The following SLC25A26 variants were observed in gnomAD, a reference collection of about 807,000 sequenced individuals.
SLC25A26 encodes the protein solute carrier family 25 member 26.
SLC25A26 carries 36 observed loss-of-function variants against 37.8 expected under a neutral mutation model. The ratio of observed to expected loss-of-function variants is 0.95; its 90% CI spans 0.73 to 1.26. SLC25A26 has a LOEUF of 1.26. SLC25A26 is among the 50% of genes most tolerant of loss of function. SLC25A26 has a pLI of 0.00. For synonymous variants in SLC25A26, 129 were observed against 122.5 expected (o/e 1.05, Z -0.35); for missense variants, 390 against 331.1 (o/e 1.18, Z -1.38).
rs2107283574 is a variant in SLC25A26 at position 66,262,140 on chromosome 3, C to T, written c.390C>T (p.Asn130=). The T allele has an allele frequency of 6.4e-7, 1 of 1,552,118 alleles. No individual in the cohort carries two copies. The highest frequency in any genetic ancestry group is 1.4e-5 in the African/African-American group (1 of 73,520). Residue 130 remains asparagine, a synonymous_variant, in exon 4 of 10, where the codon AAC becomes AAT. Transcript: ENST00000354883. ...ASTRTFQIFS[N]ILYEEGIQGL... ...CAAGAACATTTCAGATTTTCTCTAACATCTTATATGAAGAGGTGAGATGGG... is the reference window on the plus strand; with the variant it reads ...CAAGAACATTTCAGATTTTCTCTAATATCTTATATGAAGAGGTGAGATGGG...
At chr3:66,345,368 C>G (rs1470894463) in intron 5 of SLC25A26, among the ~76,000 whole-genome samples, 1 of 152,036 alleles carries the variant, frequency 6.6e-6, no homozygotes, top group Non-Finnish European at 1.5e-5. Flanking sequence ...TGTCTGCTTC[C>G]TCTTTCTTCC....
chr3:66,141,306 T>C (rs1367239769), intron 1 of SLC25A26, among the ~76,000 whole-genome samples: 2 of 151,726 alleles, frequency 1.3e-5, no homozygotes, highest in Admixed American at 1.3e-4. Flanking sequence ...GCTGCATATG[T>C]GGTCTGGCCT....
Position 66,191,465 on chromosome 3 carries a change from A to G in SLC25A26, c.-353-29277A>G, listed in dbSNP as rs1403968022. ...TCAGTTTTAGACATTCCTCTCAAAA[A>G]TATCTCCTTATTGTTTCCTGCAGTA... On this transcript the variant is annotated intron_variant, in intron 1 of 10. Transcript: ENST00000676754. Among the ~76,000 whole-genome samples, 3 of 152,216 alleles carry G rather than the reference A, an allele frequency of 2.0e-5. No individual in the cohort carries two copies. In the East Asian group the frequency reaches 5.8e-4, roughly 29 times the overall value.
intron 1 of SLC25A26, among the ~76,000 whole-genome samples, chr3:66,161,461 GAGAAATAATGGGAAACCCACT>G (rs1357003847): frequency 2.0e-4 from 31 of 152,162 alleles, no homozygotes; most frequent in Admixed American, 7.2e-4. Context: ...ACAGAAGCAA[GAGAAATAATGGGAAACCCACT>G]AGAAATGTTT....
intron 5 of SLC25A26, among the ~76,000 whole-genome samples, chr3:66,343,662 T>A (rs142163986): frequency 1.6e-3 from 251 of 152,358 alleles, no homozygotes; most frequent in African/African-American, 5.7e-3. Flanking sequence ...TGTAGGTGAT[T>A]TTAATTGAGA....
intron 3 of SLC25A26, among the ~76,000 whole-genome samples, chr3:66,251,560 G>T (rs574394812): frequency 2.0e-5 from 3 of 152,176 alleles, no homozygotes; most frequent in Non-Finnish European, 4.4e-5. Flanking sequence ...GAGCTAACAC[G>T]CAGAGAGGGA....
intron 1 of SLC25A26, among the ~76,000 whole-genome samples, chr3:66,147,192 C>G (rs928111491): frequency 6.7e-6 from 1 of 148,850 alleles, no homozygotes; most frequent in Non-Finnish European, 1.5e-5. Flanking sequence ...AGAACAGAGT[C>G]TTGCTCTGTC....
At chr3:66,185,310 A>G (rs1053713637) in intron 1 of SLC25A26, among the ~76,000 whole-genome samples, 2 of 152,206 alleles carry the variant, frequency 1.3e-5, no homozygotes, top group Admixed American at 6.5e-5. Flanking sequence ...AAGGCTGAAT[A>G]ATATTCGGTA....
chr3:66,294,189 C>G (rs1164462815), intron 5 of SLC25A26, among the ~76,000 whole-genome samples: 3 of 152,096 alleles, frequency 2.0e-5, no homozygotes, highest in Non-Finnish European at 2.9e-5. Context: ...CTTGTGTCAT[C>G]TCTGATACCT....
intron 5 of SLC25A26, among the ~76,000 whole-genome samples, chr3:66,326,276 A>G (rs1047886641): frequency 2.6e-5 from 4 of 152,212 alleles, no homozygotes; most frequent in Non-Finnish European, 5.9e-5. Flanking sequence ...TATTCCTAGC[A>G]CAGGAAAAAG....
chr3:66,322,992 G>A (rs938672882), intron 5 of SLC25A26, among the ~76,000 whole-genome samples: 3 of 152,184 alleles, frequency 2.0e-5, no homozygotes, highest in Non-Finnish European at 2.9e-5. Context: ...TTCAAGATAA[G>A]TAAGGTATTA....
chr3:66,142,340 G>A (rs1445160101), intron 1 of SLC25A26, among the ~76,000 whole-genome samples: 1 of 152,180 alleles, frequency 6.6e-6, no homozygotes, highest in East Asian at 1.9e-4. Flanking sequence ...TGGTGTTCAG[G>A]ACCCACTACC....
In SLC25A26 at chr3:66,249,558, T is replaced by C. The variant is rs2072997570; in HGVS notation, c.300+6246T>C. ...ACGTAGTATTCTTCATGATCTTCAC[T>C]GGCCTTTTCTAAGAAGAACCACTGA... On this transcript the variant is annotated intron_variant, in intron 3 of 9. Transcript: ENST00000354883. 2.0e-5 allele frequency among the ~76,000 whole-genome samples: 3 copies of C among 152,256 alleles called. No homozygotes were observed. The South Asian group carries it at 6.2e-4, about 31-fold the overall frequency.
At chr3:66,328,429 A>G (rs2075891400) in intron 5 of SLC25A26, among the ~76,000 whole-genome samples, 1 of 152,190 alleles carries the variant, frequency 6.6e-6, no homozygotes, top group South Asian at 2.1e-4. Context: ...ACCTACTAAT[A>G]AATAGGAGAT....
intron 5 of SLC25A26, among the ~76,000 whole-genome samples, chr3:66,334,599 A>T (rs541752915): frequency 6.6e-6 from 1 of 152,292 alleles, no homozygotes; most frequent in African/African-American, 2.4e-5. Context: ...TATAGGTGTG[A>T]ATTACTGCGC....
Position 66,340,304 on chromosome 3 carries a change from G to A in SLC25A26, c.454-6060G>A, listed in dbSNP as rs181973439. Among the ~76,000 whole-genome samples, 630 of 152,174 alleles carry A rather than the reference G, an allele frequency of 4.1e-3. 6 individuals are homozygous for A. Among genetic ancestry groups the A allele is most frequent in the African/African-American group, 0.015 (609 of 41,546 alleles). ...CCTCCAGCTTTCATTGGGGTACCTT[G>A]AGGTCCATATGAATTTTGGTGGTGG... On this transcript the variant is annotated intron_variant, in intron 5 of 9. Coordinates refer to ENST00000354883, the MANE Select transcript of SLC25A26 (RefSeq NM_001379210.1).
intron 5 of SLC25A26, among the ~76,000 whole-genome samples, chr3:66,336,606 G>T (rs1293914024): frequency 2.6e-5 from 4 of 152,124 alleles, no homozygotes; most frequent in Non-Finnish European, 4.4e-5. Context: ...CTACTGCCTG[G>T]CTATTTTCTT....
At chr3:66,267,595 A>G (rs537866843) in intron 5 of SLC25A26, among the ~76,000 whole-genome samples, 5 of 152,302 alleles carry the variant, frequency 3.3e-5, no homozygotes, top group South Asian at 2.1e-4. Context: ...AGCTGTCCCA[A>G]TGGCAAGATG....
chr3:66,265,650 A>G (rs1369100109), intron 5 of SLC25A26, among the ~76,000 whole-genome samples: 1 of 152,264 alleles, frequency 6.6e-6, no homozygotes, highest in Non-Finnish European at 1.5e-5. Flanking sequence ...AATCTTCTTT[A>G]TGACATACCA....
Sources: allele counts gnomAD v4.1 joint callset (sites outside exome capture counted in the v4.1 genomes callset), GRCh38; gene constraint gnomAD v4.1.1; transcripts MANE v1.5; gene names NCBI Gene and HGNC (gene_info 2026-07-23, HGNC 2026-07-21).